The following ERN1 variants were observed in gnomAD, a reference collection of about 807,000 sequenced individuals.
ERN1 encodes the protein endoplasmic reticulum to nucleus signaling 1.
Under a neutral mutation model 113.1 loss-of-function variants are expected in ERN1, and 39 were observed. The ratio of observed to expected loss-of-function variants is 0.34; its 90% confidence interval spans 0.27 to 0.45. The LOEUF (loss-of-function observed/expected upper bound fraction) is 0.45, where lower values mean the gene tolerates loss of function less well. Among genes scored for constraint, ERN1 ranks in the 20% least tolerant of loss-of-function variants. The pLI, the probability that ERN1 is intolerant of heterozygous loss-of-function variation, is 1.00. For missense variants in ERN1, 976 were observed against 1,274.8 expected (o/e 0.77, Z 3.57); for synonymous variants, 507 against 515.9 (o/e 0.98, Z 0.23).
chr17:64,125,201 CTTGT>C (rs1290213898), intron 1 of ERN1, among the ~76,000 whole-genome samples: 1 of 151,986 alleles, frequency 6.6e-6, no homozygotes, highest in African/African-American at 2.4e-5. Flanking sequence ...TAATAGAAGG[CTTGT>C]TTTTTATTTT....
At chr17:64,105,011 T>TACAC (rs58443262) in intron 1 of ERN1, among the ~76,000 whole-genome samples, 152 of 150,692 alleles carry the variant, frequency 1.0e-3, no homozygotes, top group Non-Finnish European at 3.9e-4. Flanking sequence ...AAAAGGCGTG[T>TACAC]ACACACACAC....
chr17:64,056,270 A>G (rs1912867236), intron 12 of ERN1, among the ~76,000 whole-genome samples: 1 of 152,174 alleles, frequency 6.6e-6, no homozygotes. Context: ...ATTTTCATGA[A>G]AGTCTGAGAG....
intron 2 of ERN1, among the ~76,000 whole-genome samples, chr17:64,086,637 CTTTTTTTTTTTTTTTTT>C (rs773655917): frequency 4.2e-5 from 2 of 47,582 alleles, no homozygotes; most frequent in Admixed American, 3.7e-4. Context: ...CTTTTCTTTC[CTTTTTTTTTTTTTTTTT>C]TTTTTTTTTT....
At chr17:64,069,067 A>T (rs1388635009) in intron 6 of ERN1, among the ~76,000 whole-genome samples, 2 of 152,204 alleles carry the variant, frequency 1.3e-5, no homozygotes. Context: ...AAAAGATCAA[A>T]TCCAGGGTAC....
chr17:64,060,979 T>C (rs544040018), intron 10 of ERN1, among the ~76,000 whole-genome samples: 2 of 152,328 alleles, frequency 1.3e-5, no homozygotes, highest in Admixed American at 6.5e-5. Flanking sequence ...CACTCTTCTA[T>C]GGCCGCCGAA....
At position 64,127,038 on chromosome 17, in the gene ERN1, C is replaced by A. The variant is rs150881206; in HGVS notation, c.54+2938G>T. ...ACAGTGATGATGTAACCCTAACCAA[C>A]TCTAGGAGCAAGATATAGGTCTAGG... On this transcript the variant is annotated intron_variant, in intron 1 of 21. Transcript: ENST00000433197. Among the ~76,000 whole-genome samples the A allele has an allele frequency of 2.0e-4, 30 of 152,252 alleles. No homozygotes were observed. In the East Asian group the frequency reaches 4.8e-3, roughly 24 times the overall value.
intron 1 of ERN1, among the ~76,000 whole-genome samples, chr17:64,123,772 C>A (rs1336275343): frequency 6.6e-6 from 1 of 151,860 alleles, no homozygotes; most frequent in Non-Finnish European, 1.5e-5. Flanking sequence ...AAAAACATAT[C>A]TGTGTAGTGA....
chr17:64,124,891 T>C (rs796798799), intron 1 of ERN1, among the ~76,000 whole-genome samples: 7 of 152,330 alleles, frequency 4.6e-5, no homozygotes, highest in African/African-American at 1.7e-4. Context: ...ACATAATGTA[T>C]GATTCCATTT....
Position 64,068,311 on chromosome 17 carries a change from C to A in ERN1, c.479-20G>T. 1 of 1,569,304 alleles carries A rather than the reference C, an allele frequency of 6.4e-7. No homozygotes were observed. The highest frequency in any genetic ancestry group is 8.7e-7 in the Non-Finnish European group (1 of 1,144,472). On this transcript the variant is annotated intron_variant, in intron 6 of 21. Transcript: ENST00000433197. Reference sequence around the variant, plus strand: ...TGTATTCTAAAGAACACAGACCAGCCAGCCCATTACCACGGAGGGGCCATA... The same window carrying A: ...TGTATTCTAAAGAACACAGACCAGCAAGCCCATTACCACGGAGGGGCCATA...
At position 64,072,115 on chromosome 17, in the gene ERN1, C is replaced by T; in HGVS notation, c.356-12G>A. 6.2e-7 allele frequency: 1 copy of T among 1,612,694 alleles called. No homozygotes were observed. Among genetic ancestry groups the T allele is most frequent in the Non-Finnish European group, 8.5e-7 (1 of 1,179,468 alleles). The stretch of plus-strand genomic sequence containing the variant: ...GTCCTGCTTTTTACCTGAAAGGACA[C>T]AAAAACACATCGTCGTTTACACCAT... On this transcript the variant is annotated splice_polypyrimidine_tract_variant and intron_variant, in intron 5 of 21. Transcript: ENST00000433197.
chr17:64,116,994 C>T (rs1250560815), intron 1 of ERN1, among the ~76,000 whole-genome samples: 1 of 151,170 alleles, frequency 6.6e-6, no homozygotes, highest in South Asian at 2.1e-4. Context: ...TGCCTGTATT[C>T]CCAGCTACTT....
chr17:64,106,382 G>C (rs915807076), intron 1 of ERN1, among the ~76,000 whole-genome samples: 1 of 152,180 alleles, frequency 6.6e-6, no homozygotes, highest in Admixed American at 6.5e-5. Context: ...AAGTGGATTA[G>C]AATGTGCTAA....
chr17:64,075,129 G>A (rs1279569242), intron 5 of ERN1, 46 bp downstream of exon 5: 3 of 1,445,094 alleles, frequency 2.1e-6, no homozygotes, highest in Non-Finnish European at 2.9e-6. Context: ...CAGATTCCGG[G>A]ACTTACATCA....
Position 64,049,134 on chromosome 17 carries a change from A to G in ERN1, c.2322T>C (p.Pro774=). The G allele has an allele frequency of 6.2e-7, 1 of 1,610,164 alleles. No individual in the cohort carries two copies. The highest frequency in any genetic ancestry group is 8.5e-7 in the Non-Finnish European group (1 of 1,177,002). The change falls in exon 18 of 22, where the codon CCT becomes CCC. Residue 774 remains proline (P), a synonymous_variant. Coordinates refer to ENST00000433197, the MANE Select transcript of ERN1 (RefSeq NM_001433.5). The surrounding 1 kb of genome is among the most constrained non-coding windows in gnomAD (Gnocchi z 4.7). Reference sequence around the variant, plus strand: ...CCTGCCGCTGCAGGGACTTGCCAAAAGGGTGGCTGCCCTCAGAGATTACGT... The same window carrying G: ...CCTGCCGCTGCAGGGACTTGCCAAAGGGGTGGCTGCCCTCAGAGATTACGT... The part of the protein sequence containing the change: ...FYYVISEGSH[P]FGKSLQRQAN...
chr17:64,108,789 C>A (rs1914597163), intron 1 of ERN1, among the ~76,000 whole-genome samples: 1 of 152,166 alleles, frequency 6.6e-6, no homozygotes, highest in South Asian at 2.1e-4. Flanking sequence ...CAAATTTTAT[C>A]CATTTGAGTA....
chr17:64,065,322 A>G (rs1401171010), intron 8 of ERN1, 35 bp from the exon 9 acceptor site: 3 of 1,491,318 alleles, frequency 2.0e-6, no homozygotes. Context: ...TTCCAGAGTC[A>G]TTGAATTTCC....
Position 64,055,937 on chromosome 17 carries a change from C to A in ERN1, c.1410G>T (p.Gln470His), listed in dbSNP as rs1912854216. ...ACTGCTGGTGCTGGAGCTGCTGCTG[C>A]TGATGCATGCTCTGGGAAGAGAAAC... The part of the protein sequence containing the change: ...FIITYPLSMH[Q>H]QQQLQHQQFQ... Residue 470 changes from glutamine (Q) to histidine (H), a missense_variant, in exon 13 of 22, where the codon CAG (glutamine) becomes CAT (histidine). Transcript: ENST00000433197. 6.5e-7 allele frequency: 1 copy of A among 1,543,766 alleles called. No homozygotes were observed. Among genetic ancestry groups the A allele is most frequent in the Non-Finnish European group, 8.7e-7 (1 of 1,143,680 alleles).
At chr17:64,100,700 G>T (rs1914361546) in intron 1 of ERN1, among the ~76,000 whole-genome samples, 1 of 152,090 alleles carries the variant, frequency 6.6e-6, no homozygotes, top group African/African-American at 2.4e-5. Flanking sequence ...GAACCTGGGA[G>T]GTAGAGTTTG....
chr17:64,049,796 T>G lies in ERN1; in HGVS notation c.2254-594A>C, dbSNP rs575450350. 6.6e-6 allele frequency among the ~76,000 whole-genome samples: 1 copy of G among 152,360 alleles called. No homozygotes were observed. Among genetic ancestry groups the G allele is most frequent in the South Asian group, 2.1e-4 (1 of 4,826 alleles). On this transcript the variant is annotated intron_variant, in intron 17 of 21. Coordinates refer to ENST00000433197, the MANE Select transcript of ERN1 (RefSeq NM_001433.5). The surrounding 1 kb of genome is among the most constrained non-coding windows in gnomAD (Gnocchi z 4.7). ...TCTCACTTATCCCATGAAACCATTC[T>G]GTGTCTACAGAATAGCTTCCTTCGA...
Sources: gnomAD v4.1 joint callset for allele counts (sites outside exome capture counted in the v4.1 genomes callset) on GRCh38, gnomAD v4.1.1 for gene constraint, Gnocchi (gnomAD v3.1) non-coding constraint, MANE v1.5 for transcripts, NCBI Gene and HGNC (gene_info 2026-07-23, HGNC 2026-07-21) for gene names.